TOX4: variants seen among roughly 807,000 people sequenced by gnomAD.
The protein encoded by TOX4 is TOX high mobility group box family member 4, also known as epidermal Langerhans cell protein LCP1.
TOX4 carries 12 observed loss-of-function variants against 61.0 expected under a neutral mutation model. The ratio of observed to expected loss-of-function variants is 0.20; its 90% CI spans 0.13 to 0.32. TOX4 has a LOEUF of 0.32. TOX4 is among the 10% of genes least tolerant of loss of function. TOX4 has a pLI of 1.00. For synonymous variants in TOX4, 268 were observed against 274.8 expected, an observed-to-expected ratio of 0.98 and a Z score of 0.24; for missense variants, 499 against 753.3, an observed-to-expected ratio of 0.66 and a Z score of 3.95.
Position 21,477,198 on chromosome 14 carries a change from G to A in TOX4, c.-81G>A, listed in dbSNP as rs1566476529. The A allele has an allele frequency of 1.2e-6, 2 of 1,609,834 alleles. No individual in the cohort carries two copies. Among genetic ancestry groups the A allele is most frequent in the East Asian group, 2.2e-5 (1 of 44,870 alleles). ...ATCAGCAGAGAGAACACACGTCCTT[G>A]CGGAAGTGACGGCAGTTCCGAGTCC... On this transcript the variant is annotated 5_prime_UTR_variant, in exon 1 of 9. Transcript: ENST00000448790.
At chr14:21,484,231 G>A (rs2139620730) in intron 2 of TOX4, among the ~76,000 whole-genome samples, 1 of 148,922 alleles carries the variant, frequency 6.7e-6, no homozygotes, top group East Asian at 2.1e-4. Context: ...TTGTCTTTTA[G>A]GAAACTTTTA....
chr14:21,484,596 C>G (rs1891167706), intron 2 of TOX4, among the ~76,000 whole-genome samples: 1 of 103,816 alleles, frequency 9.6e-6, no homozygotes, highest in Non-Finnish European at 2.1e-5. Context: ...GTGGTCCACC[C>G]ACCTCGGCCT....
In TOX4 at chr14:21,498,934, T is replaced by G; in HGVS notation, c.*2328T>G. 1 of 816,756 alleles carries G rather than the reference T, an allele frequency of 1.2e-6. No individual in the cohort carries two copies. The highest frequency in any genetic ancestry group is 2.1e-6 in the Non-Finnish European group (1 of 481,260). 50.6% of individuals were successfully genotyped at this position (816,756 alleles called of 1,614,324 possible). On this transcript the variant is annotated 3_prime_UTR_variant, in exon 9 of 9. Coordinates refer to ENST00000448790, the MANE Select transcript of TOX4 (RefSeq NM_014828.4). Reference sequence around the variant, plus strand: ...AATCCTGTGAAGCTCATTTATGGACTAGTGTAAAACAATGTGAAGCTCTAC... The same window carrying G: ...AATCCTGTGAAGCTCATTTATGGACGAGTGTAAAACAATGTGAAGCTCTAC...
At chr14:21,488,214 A>G (rs1891220989) in intron 3 of TOX4, 1 of 200,190 alleles carries the variant, frequency 5.0e-6, no homozygotes, top group African/African-American at 2.4e-5. Context: ...GGCCTTATTT[A>G]TGCTGATTGC....
Position 21,485,271 on chromosome 14 carries a change from C to T in TOX4, c.76-2180C>T, listed in dbSNP as rs532943158. ...TCTCTACTAAAAATACAAAATTAGC[C>T]GGGCATGGTGGCACATGTCTGTAAT... On this transcript the variant is annotated intron_variant, in intron 2 of 8. Transcript: ENST00000448790. Among the ~76,000 whole-genome samples, 404 of 105,006 alleles carry T rather than the reference C, an allele frequency of 3.8e-3. 134 individuals carry two copies. The highest frequency in any genetic ancestry group is 0.013 in the African/African-American group (354 of 27,740). The allele number at this position is 105,006 out of a possible 152,430, so 68.9% of individuals were successfully genotyped here. A position where few individuals can be genotyped will look rare whatever the true frequency, so the allele number is the denominator to read the frequency against.
Position 21,487,795 on chromosome 14 carries a change from CTCT to C in TOX4, c.318+107_318+109del, listed in dbSNP as rs1166096224. Reference sequence around the variant, plus strand: ...TGCTACACTTGGGTATTACTTGTTTCTCTTCTTGTGGCTAAAGGCTCACCAACA... The same window carrying C: ...TGCTACACTTGGGTATTACTTGTTTCTCTTGTGGCTAAAGGCTCACCAACA... On this transcript the variant is annotated intron_variant, in intron 3 of 8. Transcript: ENST00000448790. 1.7e-5 allele frequency: 23 copies of C among 1,352,624 alleles called. No homozygotes were observed. In the African/African-American group the frequency reaches 3.2e-4, roughly 19 times the overall value. The allele number at this position is 1,352,624 out of a possible 1,614,324, so 83.8% of individuals were successfully genotyped here.
chr14:21,491,989 CGA>C (rs1394640906), intron 5 of TOX4: 2 of 191,572 alleles, frequency 1.0e-5, no homozygotes, highest in African/African-American at 4.8e-5. Flanking sequence ...CGAGCCTGGG[CGA>C]GAGAGCACGA....
chr14:21,492,302 A>G lies in TOX4; in HGVS notation c.817A>G (p.Lys273Glu), dbSNP rs563928274. 2 of 1,613,186 alleles carry G rather than the reference A, an allele frequency of 1.2e-6. No individual in the cohort carries two copies. Among genetic ancestry groups the G allele is most frequent in the African/African-American group, 1.3e-5 (1 of 74,868 alleles). The change falls in exon 6 of 9, where the codon AAG (lysine) becomes GAG (glutamate). Residue 273 changes from lysine to glutamate, a missense_variant. By Grantham distance (56) the Lys-to-Glu change is moderately conservative (BLOSUM62 1). Around this residue, in one of 7 missense-constraint regions of TOX4, gnomAD observed 15 missense variants for 80.2 expected, o/e 0.19. Coordinates refer to ENST00000448790, the MANE Select transcript of TOX4 (RefSeq NM_014828.4). Reference protein sequence around the residue: ...SLGEEQKQVYKRKTEAAKKEY... With the variant: ...SLGEEQKQVYERKTEAAKKEY... ...TAAAGTCTCTTTTTTGCAGGTATAT[A>G]AGAGGAAAACTGAGGCTGCCAAGAA...
Position 21,496,741 on chromosome 14 carries a change from C to T in TOX4, c.*135C>T. The T allele has an allele frequency of 1.4e-6, 1 of 729,818 alleles. No homozygotes were observed. Among genetic ancestry groups the T allele is most frequent in the Non-Finnish European group, 2.3e-6 (1 of 437,232 alleles). The allele number at this position is 729,818 out of a possible 1,614,324, so 45.2% of individuals were successfully genotyped here. On this transcript the variant is annotated 3_prime_UTR_variant, in exon 9 of 9. Coordinates refer to ENST00000448790, the MANE Select transcript of TOX4 (RefSeq NM_014828.4). ...TGGCTGTTCATGTTTCACCCCTTTT[C>T]TTCCTTCAGCAGAGGCCAGGCTATG... is the stretch of plus-strand genomic sequence containing the variant.
chr14:21,488,785 C>A lies in TOX4; in HGVS notation c.514C>A (p.Arg172Ser). 6.2e-7 allele frequency: 1 copy of A among 1,614,180 alleles called. No individual in the cohort carries two copies. The highest frequency in any genetic ancestry group is 1.3e-5 in the African/African-American group (1 of 75,046). Residue 172 changes from arginine to serine, a missense_variant, in exon 4 of 9, where the codon CGT (arginine) becomes AGT (serine). This residue lies in a region of TOX4 where 61 missense variants were observed against 76.1 expected (regional missense o/e 0.80). Transcript: ENST00000448790. ...GCCACCTGCCCAGTCACCTGAAGAT[C>A]GTCTTTCAACCACCCCTTCACCTAC... ...ILPPAQSPEDRLSTTPSPTSS... is the reference protein window; with the variant it reads ...ILPPAQSPEDSLSTTPSPTSS...
chr14:21,479,042 C>A lies in TOX4; in HGVS notation c.75+1478C>A, dbSNP rs537506543. 7.2e-3 allele frequency among the ~76,000 whole-genome samples: 1,086 copies of A among 150,516 alleles called. 15 individuals carry two copies. The highest frequency in any genetic ancestry group is 0.025 in the African/African-American group (1,015 of 40,790). Reference sequence around the variant, plus strand: ...TTACCCAGGCTCTTTAACTCCTGGCCTCAAGTGATCTGCCCGCCTCAGCCT... The same window carrying A: ...TTACCCAGGCTCTTTAACTCCTGGCATCAAGTGATCTGCCCGCCTCAGCCT... On this transcript the variant is annotated intron_variant, in intron 2 of 8. Transcript: ENST00000448790.
chr14:21,491,095 G>C (rs1212910957), intron 5 of TOX4, among the ~76,000 whole-genome samples: 2 of 152,284 alleles, frequency 1.3e-5, no homozygotes, highest in Non-Finnish European at 2.9e-5. Context: ...AACGTGCTGG[G>C]ATTACAGGTG....
rs1594428193 is a variant in TOX4, at chr14:21,488,726, A to G, written c.455A>G (p.Gln152Arg). The change falls in exon 4 of 9, where the codon CAG (glutamine) becomes CGG (arginine). Residue 152 changes from glutamine (Q) to arginine (R), a missense_variant. Transcript: ENST00000448790. ...TTIDQSELSS[Q>R]LGLSLGGGTI... ...ATTGATCAGTCAGAACTGAGTTCCC[A>G]GCTGGGTTTGAGCCTAGGGGGTGGC... is the stretch of plus-strand genomic sequence containing the variant. 1 of 1,614,196 alleles carries G rather than the reference A, an allele frequency of 6.2e-7. No homozygotes were observed. Among genetic ancestry groups the G allele is most frequent in the Non-Finnish European group, 8.5e-7 (1 of 1,180,038 alleles).
rs1891377076 is a variant in TOX4 at position 21,495,287 on chromosome 14, C to T, written c.1700C>T (p.Ser567Leu). The T allele has an allele frequency of 6.2e-7, 1 of 1,614,194 alleles. No individual in the cohort carries two copies. The highest frequency in any genetic ancestry group is 8.5e-7 in the Non-Finnish European group (1 of 1,180,028). ...ELVSGSPVAL[S>L]PQPRCVRSGC... ...GTGAGTGGGTCTCCTGTGGCACTCT[C>T]ACCCCAGCCTCGATGTGTGAGGTCT... is the stretch of plus-strand genomic sequence containing the variant. Residue 567 changes from serine to leucine, a missense_variant, in exon 8 of 9, where the codon TCA becomes TTA. Coordinates refer to ENST00000448790, the MANE Select transcript of TOX4 (RefSeq NM_014828.4).
At chr14:21,496,211 C>CAA (rs570396556) in intron 8 of TOX4, 1,591 of 110,180 alleles carry the variant, frequency 0.014, 16 homozygotes, top group African/African-American at 0.032. Context: ...GACTCCATCT[C>CAA]AAAAAAAAAA....
intron 5 of TOX4, among the ~76,000 whole-genome samples, chr14:21,489,808 C>G (rs1891254759): frequency 6.6e-6 from 1 of 151,940 alleles, no homozygotes; most frequent in Non-Finnish European, 1.5e-5. Context: ...GTCTCGATCT[C>G]CTGACCTCGT....
At chr14:21,496,352 C>T in intron 8 of TOX4, 194 bp from the exon 9 acceptor site, 1 of 500,282 alleles carries the variant, frequency 2.0e-6, no homozygotes, top group Non-Finnish European at 3.6e-6. Flanking sequence ...ACAGTGAAAC[C>T]CTGTCCCCAC....
At chr14:21,495,520 G>A (rs904689976) in intron 8 of TOX4, 128 bp downstream of exon 8, 1 of 1,128,926 alleles carries the variant, frequency 8.9e-7, no homozygotes, top group African/African-American at 1.6e-5. Context: ...TGCTGTATCT[G>A]GTCTACTAGA....
At chr14:21,477,850 A>G (rs928428250) in intron 2 of TOX4, among the ~76,000 whole-genome samples, 1 of 152,230 alleles carries the variant, frequency 6.6e-6, no homozygotes, top group African/African-American at 2.4e-5. Flanking sequence ...TTCTCTGGGG[A>G]GAAATAGCTA....
Sources: allele counts gnomAD v4.1 joint callset (sites outside exome capture counted in the v4.1 genomes callset), GRCh38; gene constraint gnomAD v4.1.1; regional missense constraint gnomAD v4.1.1; transcripts MANE v1.5; gene names NCBI Gene and HGNC (gene_info 2026-07-23, HGNC 2026-07-21).